Variants in GMNC observed in about 807,000 individuals in gnomAD.
GMNC encodes geminin coiled-coil domain-containing protein 1.
Under a neutral mutation model 33.6 loss-of-function variants are expected in GMNC, and 16 were observed. That is an observed-to-expected ratio of 0.48 (90% confidence interval 0.32 to 0.72). The LOEUF (loss-of-function observed/expected upper bound fraction) is 0.72, where lower values mean the gene tolerates loss of function less well. Among genes scored for constraint, GMNC ranks in the 30% least tolerant of loss-of-function variants. The probability of loss-of-function intolerance (pLI) is 0.03; values close to 1 mark genes in which losing one functional copy is unlikely to be tolerated. For missense variants in GMNC, 393 were observed against 388.9 expected, an observed-to-expected ratio of 1.01 and a Z score of -0.09; for synonymous variants, 156 against 147.3, an observed-to-expected ratio of 1.06 and a Z score of -0.43.
rs907512616 is a variant in GMNC at position 190,854,553 on chromosome 3, T to G, written c.*742A>C. 1.4e-4 allele frequency: 21 copies of G among 152,170 alleles called. No individual in the cohort carries two copies. Among genetic ancestry groups the G allele is most frequent in the Non-Finnish European group, 3.1e-4 (21 of 68,038 alleles). The allele number at this position is 152,170 out of a possible 1,614,324, so 9.4% of individuals were successfully genotyped here. ...CCACAGTCCCTCAAAATGTTCTTCT[T>G]GGAGTCATGTTGGTTAAAGAAATGA... On this transcript the variant is annotated 3_prime_UTR_variant, in exon 5 of 5. Coordinates refer to ENST00000442080, the MANE Select transcript of GMNC (RefSeq NM_001146686.3).
chr3:190,845,174 CCAGAATTTTCTTGAGTTTTATTTT>C, the GMNC span, among the ~76,000 whole-genome samples: 1 of 152,084 alleles, frequency 6.6e-6, no homozygotes, highest in Non-Finnish European at 1.5e-5. Flanking sequence ...CATATGTCCA[CCAGAATTTTCTTGAGTTTTATTTT>C]CAGAATTTTC....
chr3:190,850,321 G>A (rs138738433), downstream of GMNC, among the ~76,000 whole-genome samples: 466 of 152,352 alleles, frequency 3.1e-3, 1 homozygote, highest in Non-Finnish European at 5.2e-3. Context: ...CATTATGTGT[G>A]ATAGTGATAG....
rs565089530 is a variant in GMNC, at chr3:190,861,994, G to T, written c.3+619C>A. Among the ~76,000 whole-genome samples the T allele has an allele frequency of 6.6e-6, 1 of 151,834 alleles. No individual in the cohort carries two copies. The highest frequency in any genetic ancestry group is 1.5e-5 in the Non-Finnish European group (1 of 67,968). On this transcript the variant is annotated intron_variant, in intron 1 of 4. Coordinates refer to ENST00000442080, the MANE Select transcript of GMNC (RefSeq NM_001146686.3). This position sits in a 1 kb window ranked among gnomAD's most constrained non-coding sequence, Gnocchi z 5.1. ...AAAAAAAAGTTAAGTCAATTCAATCGCACTTTGTTAATGTTCTCGGTAAAT... is the reference window on the plus strand; with the variant it reads ...AAAAAAAAGTTAAGTCAATTCAATCTCACTTTGTTAATGTTCTCGGTAAAT...
the GMNC span, among the ~76,000 whole-genome samples, chr3:190,846,977 G>A: frequency 3.9e-5 from 6 of 152,140 alleles, no homozygotes; most frequent in African/African-American, 1.4e-4. Flanking sequence ...TGGGTTAAAC[G>A]TGTGGTCCAA....
chr3:190,851,131 C>T (rs896803460), downstream of GMNC, among the ~76,000 whole-genome samples: 1 of 152,162 alleles, frequency 6.6e-6, no homozygotes, highest in South Asian at 2.1e-4. Context: ...TGGCTATATA[C>T]CTATATAGTG....
downstream of GMNC, among the ~76,000 whole-genome samples, chr3:190,850,828 T>A (rs150631238): frequency 2.5e-3 from 382 of 152,308 alleles, 5 homozygotes; most frequent in African/African-American, 8.8e-3. Context: ...ATATAACACT[T>A]AGAACCAGTT....
intron 2 of GMNC, 57 bp downstream of exon 2, chr3:190,860,627 C>G (rs1032544821): frequency 9.0e-6 from 13 of 1,439,970 alleles, no homozygotes; most frequent in Non-Finnish European, 1.2e-5. Flanking sequence ...TGCTCCGCAG[C>G]CACGGGTATG....
Position 190,855,445 on chromosome 3 carries a change from A to G in GMNC, c.855T>C (p.His285=), listed in dbSNP as rs1419136144. The stretch of plus-strand genomic sequence containing the variant: ...CCATCTCTGTCTTGTTGGGTGACAC[A>G]TGAGCAGTATAGTAAGGAAGAGTTT... ...GLKTLPYYTA[H]VSPNKTEMAF... Residue 285 remains histidine (H), a synonymous_variant, in exon 5 of 5, where the codon CAT becomes CAC. Coordinates refer to ENST00000442080, the MANE Select transcript of GMNC (RefSeq NM_001146686.3). 1.3e-5 allele frequency: 20 copies of G among 1,552,092 alleles called. No individual in the cohort carries two copies. In the East Asian group the frequency reaches 3.4e-4, roughly 27 times the overall value.
the GMNC span, among the ~76,000 whole-genome samples, chr3:190,846,765 C>T: frequency 3.3e-5 from 5 of 152,186 alleles, no homozygotes; most frequent in Non-Finnish European, 5.9e-5. Flanking sequence ...GACCTCTATT[C>T]ACTGGAATAC....
downstream of GMNC, among the ~76,000 whole-genome samples, chr3:190,852,321 A>T (rs1435986408): frequency 6.6e-6 from 1 of 152,144 alleles, no homozygotes; most frequent in Non-Finnish European, 1.5e-5. Context: ...AATTTTTTCC[A>T]TTAATTCATA....
chr3:190,855,426 C>T lies in GMNC; in HGVS notation c.874G>A (p.Glu292Lys). ...CTCAGGGATGTGGAAAATGCCATCT[C>T]TGTCTTGTTGGGTGACACATGAGCA... Reference protein sequence around the residue: ...YTAHVSPNKTEMAFSTSLSPH... With the variant: ...YTAHVSPNKTKMAFSTSLSPH... The change falls in exon 5 of 5, where the codon GAG (glutamate) becomes AAG (lysine). Residue 292 changes from glutamate (E) to lysine (K), a missense_variant. Transcript: ENST00000442080. 1 of 1,548,530 alleles carries T rather than the reference C, an allele frequency of 6.5e-7. No homozygotes were observed. Among genetic ancestry groups the T allele is most frequent in the Non-Finnish European group, 8.7e-7 (1 of 1,146,678 alleles).
At chr3:190,856,818 A>C (rs116257149) in intron 4 of GMNC, among the ~76,000 whole-genome samples, 2,275 of 152,000 alleles carry the variant, frequency 0.015, 38 homozygotes, top group Middle Eastern at 0.041. Flanking sequence ...ATTAAGACTG[A>C]CAGATAAAAC....
chr3:190,855,424 C>T lies in GMNC; in HGVS notation c.876G>A (p.Glu292=). The change falls in exon 5 of 5, where the codon GAG becomes GAA. Residue 292 remains glutamate, a synonymous_variant. Coordinates refer to ENST00000442080, the MANE Select transcript of GMNC (RefSeq NM_001146686.3). Reference sequence around the variant, plus strand: ...GGCTCAGGGATGTGGAAAATGCCATCTCTGTCTTGTTGGGTGACACATGAG... The same window carrying T: ...GGCTCAGGGATGTGGAAAATGCCATTTCTGTCTTGTTGGGTGACACATGAG... ...YTAHVSPNKT[E]MAFSTSLSPH... 6.5e-7 allele frequency: 1 copy of T among 1,548,524 alleles called. No homozygotes were observed. The highest frequency in any genetic ancestry group is 1.2e-5 in the South Asian group (1 of 84,050).
chr3:190,854,511 G>C lies in GMNC; in HGVS notation c.*784C>G, dbSNP rs188765648. 9.2e-5 allele frequency: 14 copies of C among 152,300 alleles called. No individual in the cohort carries two copies. The highest frequency in any genetic ancestry group is 3.4e-4 in the African/African-American group (14 of 41,578). 9.4% of individuals were successfully genotyped at this position (152,300 alleles called of 1,614,324 possible). On this transcript the variant is annotated 3_prime_UTR_variant, in exon 5 of 5. Transcript: ENST00000442080. ...TGTCAGCATCTGGGTAGTTGCAGAT[G>C]ATGACTAGTTTTGTTACCACAGTCC...
rs538720165 is a variant in GMNC, at chr3:190,854,969, A to G, written c.*326T>C. On this transcript the variant is annotated 3_prime_UTR_variant, in exon 5 of 5. Transcript: ENST00000442080. The stretch of plus-strand genomic sequence containing the variant: ...AAGAGGAAAATCTGTTAAACTGGTT[A>G]AAATTGGAAAAATGTATCTAGGTCT... 4.2e-6 allele frequency: 1 copy of G among 235,610 alleles called. No homozygotes were observed. The highest frequency in any genetic ancestry group is 8.4e-6 in the Non-Finnish European group (1 of 118,656). The allele number at this position is 235,610 out of a possible 1,614,324, so 14.6% of individuals were successfully genotyped here. A position where few individuals can be genotyped will look rare whatever the true frequency, so the allele number is the denominator to read the frequency against.
chr3:190,857,429 C>G (rs1157949155), intron 4 of GMNC, among the ~76,000 whole-genome samples: 1 of 152,034 alleles, frequency 6.6e-6, no homozygotes, highest in East Asian at 1.9e-4. Flanking sequence ...TAAAGTCAAA[C>G]AGATCATTAA....
chr3:190,844,054 G>A, the GMNC span, among the ~76,000 whole-genome samples: 1 of 152,096 alleles, frequency 6.6e-6, no homozygotes, highest in Non-Finnish European at 1.5e-5. Context: ...ATTCCATTTA[G>A]AAATAAAACG....
rs1737804786 is a variant in GMNC at position 190,858,909 on chromosome 3, T to G, written c.267+19A>C. On this transcript the variant is annotated intron_variant, in intron 3 of 4. Coordinates refer to ENST00000442080, the MANE Select transcript of GMNC (RefSeq NM_001146686.3). ...CCACATAGAACATGACCAGTCTCAA[T>G]GTTCTGACTTACACATACCTGCTTA... is the stretch of plus-strand genomic sequence containing the variant. 4 of 1,424,096 alleles carry G rather than the reference T, an allele frequency of 2.8e-6. No individual in the cohort carries two copies. Among genetic ancestry groups the G allele is most frequent in the Non-Finnish European group, 3.9e-6 (4 of 1,032,876 alleles). 88.2% of individuals were successfully genotyped at this position (1,424,096 alleles called of 1,614,324 possible).
intron 4 of GMNC, among the ~76,000 whole-genome samples, chr3:190,857,084 G>T (rs559481922): frequency 1.2e-3 from 175 of 149,006 alleles, no homozygotes; most frequent in African/African-American, 3.8e-3. Flanking sequence ...GTATGGAAAA[G>T]ATTGATGATG....
Sources: gnomAD v4.1 joint callset for allele counts (sites outside exome capture counted in the v4.1 genomes callset) on GRCh38, gnomAD v4.1.1 for gene constraint, Gnocchi (gnomAD v3.1) non-coding constraint, MANE v1.5 for transcripts, NCBI Gene and HGNC (gene_info 2026-07-23, HGNC 2026-07-21) for gene names.